The following ABCA1 variants were observed in gnomAD, a reference collection of about 807,000 sequenced individuals.
ABCA1 encodes the protein phospholipid-transporting ATPase ABCA1.
A neutral mutation model predicts 262.5 loss-of-function variants in ABCA1; 133 were observed. That is an observed-to-expected ratio of 0.51 (90% CI 0.44 to 0.59). The LOEUF is 0.59. ABCA1 is among the 20% of genes least tolerant of loss of function. The probability of loss-of-function intolerance (pLI) is 0.00; values close to 1 mark genes in which losing one functional copy is unlikely to be tolerated. For synonymous variants in ABCA1, 1,022 were observed against 1,043.5 expected (o/e 0.98, Z 0.40); for missense variants, 2,452 against 2,777.5 (o/e 0.88, Z 2.63).
At chr9:104,884,333 T>C (rs1019572993) in intron 4 of ABCA1, 94 bp downstream of exon 4, 2 of 1,528,184 alleles carry the variant, frequency 1.3e-6, no homozygotes, top group Non-Finnish European at 1.8e-6. Context: ...ACAACTTCAC[T>C]TAAATCCAGC....
intron 2 of ABCA1, among the ~76,000 whole-genome samples, chr9:104,898,240 C>A (rs575336928): frequency 6.6e-6 from 1 of 152,236 alleles, no homozygotes; most frequent in East Asian, 1.9e-4. Flanking sequence ...TCAGGGAATC[C>A]TCTTGCACAT....
At chr9:104,898,669 C>T (rs1840420185) in intron 2 of ABCA1, among the ~76,000 whole-genome samples, 1 of 152,006 alleles carries the variant, frequency 6.6e-6, no homozygotes, top group Non-Finnish European at 1.5e-5. Context: ...CCAACTCATC[C>T]CCCGCCAGTC....
rs564695219 is a variant in ABCA1 at position 104,848,267 on chromosome 9, C to T, written c.721-2698G>A. 9.9e-5 allele frequency among the ~76,000 whole-genome samples: 15 copies of T among 152,284 alleles called. 1 individual carries two copies. In the South Asian group the frequency reaches 2.9e-3, roughly 29 times the overall value. On this transcript the variant is annotated intron_variant, in intron 7 of 49. Transcript: ENST00000374736. ...ATTGTAAATGACTGGGATTCACTAA[C>T]ACTGTGAGGTTTGGGGAGCTACTGT... is the stretch of plus-strand genomic sequence containing the variant.
In ABCA1 at chr9:104,858,521, C is replaced by T; in HGVS notation, c.720+1G>A. On this transcript the variant is annotated splice_donor_variant, in intron 7 of 49. Transcript: ENST00000374736. LOFTEE classifies it high-confidence loss of function. Reference sequence around the variant, plus strand: ...TTTCTCCAGTGAGCAAGTCTACTCACCAGGATTGGCTTCAGGATGTCCATG... The same window carrying T: ...TTTCTCCAGTGAGCAAGTCTACTCATCAGGATTGGCTTCAGGATGTCCATG... The T allele has an allele frequency of 6.2e-7, 1 of 1,613,660 alleles. No individual in the cohort carries two copies. Among genetic ancestry groups the T allele is most frequent in the South Asian group, 1.1e-5 (1 of 91,062 alleles).
chr9:104,804,282 T>C (rs1054745420), intron 32 of ABCA1, among the ~76,000 whole-genome samples: 1 of 152,232 alleles, frequency 6.6e-6, no homozygotes, highest in African/African-American at 2.4e-5. Context: ...TTAGTCCTCA[T>C]GACAAACTTA....
At chr9:104,808,246 C>G (rs534239190) in intron 30 of ABCA1, among the ~76,000 whole-genome samples, 2 of 152,344 alleles carry the variant, frequency 1.3e-5, no homozygotes, top group Admixed American at 1.3e-4. Flanking sequence ...CCTCTGATGT[C>G]AGGGCCGGGC....
intron 3 of ABCA1, among the ~76,000 whole-genome samples, chr9:104,888,250 T>C (rs1009614762): frequency 2.6e-5 from 4 of 152,120 alleles, no homozygotes; most frequent in African/African-American, 9.7e-5. Flanking sequence ...CTTGTGGGTC[T>C]CGTAGGGGTA....
rs1564172421 is a variant in ABCA1 at position 104,845,612 on chromosome 9, A to G, written c.721-43T>C. The G allele has an allele frequency of 2.3e-6, 3 of 1,318,988 alleles. No individual in the cohort carries two copies. The South Asian group carries it at 3.6e-5, about 16-fold the overall frequency. 81.7% of individuals were successfully genotyped at this position (1,318,988 alleles called of 1,614,324 possible). On this transcript the variant is annotated intron_variant, in intron 7 of 49. Transcript: ENST00000374736. ...ACTTTGTTTCTGAATTCAAATGTAAACCTGAAATCTCTATTGGAAATAAAC... is the reference window on the plus strand; with the variant it reads ...ACTTTGTTTCTGAATTCAAATGTAAGCCTGAAATCTCTATTGGAAATAAAC...
rs1554744305 is a variant in ABCA1, at chr9:104,888,060, T to TGGGG, written c.160+1041_160+1042insCCCC. Among the ~76,000 whole-genome samples, 4 of 133,150 alleles carry TGGGG rather than the reference T, an allele frequency of 3.0e-5. No individual in the cohort carries two copies. The South Asian group carries it at 6.7e-4, about 22-fold the overall frequency. The allele number at this position is 133,150 out of a possible 152,430, so 87.4% of individuals were successfully genotyped here. On this transcript the variant is annotated intron_variant, in intron 3 of 49. Coordinates refer to ENST00000374736, the MANE Select transcript of ABCA1 (RefSeq NM_005502.4). Reference sequence around the variant, plus strand: ...GTCTCAGAAAATGTTTCTTGAGGGGTGTGTGTGTGTGTGTGTGTGTGTGTG... The same window carrying TGGGG: ...GTCTCAGAAAATGTTTCTTGAGGGGTGGGGGTGTGTGTGTGTGTGTGTGTGTGTG...
chr9:104,844,864 G>C (rs1224724726), intron 8 of ABCA1, among the ~76,000 whole-genome samples: 1 of 152,232 alleles, frequency 6.6e-6, no homozygotes, highest in Non-Finnish European at 1.5e-5. Context: ...CACTGGCTGG[G>C]AGTCAGAGCT....
chr9:104,845,065 TGTTA>T (rs1334593144), intron 8 of ABCA1, among the ~76,000 whole-genome samples: 1 of 152,218 alleles, frequency 6.6e-6, no homozygotes, highest in Non-Finnish European at 1.5e-5. Flanking sequence ...ACGTTATTCC[TGTTA>T]GTTAGCAAGC....
chr9:104,920,229 T>C (rs954885960), intron 1 of ABCA1, among the ~76,000 whole-genome samples: 10 of 152,266 alleles, frequency 6.6e-5, no homozygotes, highest in Non-Finnish European at 1.3e-4. Context: ...TGAGCCCATG[T>C]GTATTTTTTC....
At chr9:104,792,088 C>T in intron 42 of ABCA1, 90 bp from the exon 43 acceptor site, 3 of 1,132,090 alleles carry the variant, frequency 2.6e-6, no homozygotes, top group Non-Finnish European at 3.9e-6. Flanking sequence ...AAACCACATA[C>T]ACTGCAACAT....
intron 5 of ABCA1, among the ~76,000 whole-genome samples, chr9:104,864,036 C>G (rs959673913): frequency 2.6e-5 from 4 of 152,166 alleles, no homozygotes; most frequent in East Asian, 1.9e-4. Context: ...AGGTGTGGAA[C>G]CACAGTTTAA....
chr9:104,915,219 G>A (rs1360098554), intron 1 of ABCA1, among the ~76,000 whole-genome samples: 7 of 152,196 alleles, frequency 4.6e-5, no homozygotes, highest in Non-Finnish European at 1.0e-4. Context: ...TCTCCAGAAC[G>A]TCCTTTCACC....
intron 1 of ABCA1, among the ~76,000 whole-genome samples, chr9:104,918,212 G>GAT (rs1388520796): frequency 6.6e-6 from 1 of 152,142 alleles, no homozygotes; most frequent in Non-Finnish European, 1.5e-5. Flanking sequence ...AAATACATGA[G>GAT]ATGGACATGA....
rs1211239423 is a variant in ABCA1 at position 104,840,475 on chromosome 9, C to T, written c.858G>A (p.Met286Ile). Residue 286 changes from methionine to isoleucine, a missense_variant, in exon 9 of 50, where the codon ATG becomes ATA. Transcript: ENST00000374736. ...TGGAGCTGTTCACATTGGTCAGAAACATCACCTCCTGTCGCATGTCACTCC... is the reference window on the plus strand; with the variant it reads ...TGGAGCTGTTCACATTGGTCAGAAATATCACCTCCTGTCGCATGTCACTCC... ...RSWSDMRQEV[M>I]FLTNVNSSSS... is the part of the protein sequence containing the mutation. 4 of 1,614,032 alleles carry T rather than the reference C, an allele frequency of 2.5e-6. No homozygotes were observed. The highest frequency in any genetic ancestry group is 1.3e-5 in the African/African-American group (1 of 74,910).
chr9:104,822,112 C>T (rs1175935583), intron 19 of ABCA1, among the ~76,000 whole-genome samples: 1 of 152,164 alleles, frequency 6.6e-6, no homozygotes, highest in Non-Finnish European at 1.5e-5. Flanking sequence ...GGAAGGCAAT[C>T]AAGCCAGCTG....
At chr9:104,856,745 A>G (rs1241762149) in intron 7 of ABCA1, among the ~76,000 whole-genome samples, 3 of 152,260 alleles carry the variant, frequency 2.0e-5, no homozygotes, top group African/African-American at 7.2e-5. Flanking sequence ...AATGTCTTCT[A>G]AAAACACCCA....
Sources: gnomAD v4.1 joint callset for allele counts (sites outside exome capture counted in the v4.1 genomes callset) on GRCh38, gnomAD v4.1.1 for gene constraint, MANE v1.5 for transcripts, NCBI Gene and HGNC (gene_info 2026-07-23, HGNC 2026-07-21) for gene names.